Variants in COL19A1 observed in about 807,000 individuals in gnomAD.
COL19A1 encodes collagen alpha-1(XIX) chain.
Under a neutral mutation model 190.2 loss-of-function variants are expected in COL19A1, and 159 were observed. The ratio of observed to expected loss-of-function variants is 0.84; its 90% CI spans 0.73 to 0.95. COL19A1 has a LOEUF of 0.95. COL19A1 is among the 40% of genes least tolerant of loss of function. The probability of loss-of-function intolerance (pLI) is 0.00; values close to 1 mark genes in which losing one functional copy is unlikely to be tolerated. For synonymous variants in COL19A1, 509 were observed against 458.9 expected (o/e 1.11, Z -1.39); for missense variants, 1,418 against 1,431.9 (o/e 0.99, Z 0.16).
intron 14 of COL19A1, among the ~76,000 whole-genome samples, chr6:70,046,205 G>A (rs2024902): frequency 0.12 from 18,644 of 152,042 alleles, 1,576 homozygotes; most frequent in African/African-American, 0.23. Flanking sequence ...TCACACCTCT[G>A]CTATTACTAC....
intron 16 of COL19A1, among the ~76,000 whole-genome samples, chr6:70,105,196 G>T (rs142203030): frequency 6.6e-6 from 1 of 152,094 alleles, no homozygotes; most frequent in African/African-American, 2.4e-5. Context: ...CTATGCAGAA[G>T]ACAAAGTGTT....
intron 36 of COL19A1, 139 bp downstream of exon 36, chr6:70,163,535 G>T: frequency 1.4e-6 from 1 of 717,136 alleles, no homozygotes; most frequent in South Asian, 2.1e-5. Flanking sequence ...TTCTTGTAGT[G>T]GATTTGGAAG....
At chr6:69,967,934 GTA>G (rs768428119) in intron 11 of COL19A1, among the ~76,000 whole-genome samples, 11,324 of 119,036 alleles carry the variant, frequency 0.095, 551 homozygotes, top group East Asian at 0.23. Context: ...TAAAGTACAC[GTA>G]GCGTAAAGTA....
intron 12 of COL19A1, among the ~76,000 whole-genome samples, chr6:70,034,043 C>T (rs1582737309): frequency 1.3e-5 from 2 of 152,096 alleles, no homozygotes; most frequent in South Asian, 2.1e-4. Context: ...ATTGAGGACT[C>T]GCGCTGATTT....
intron 36 of COL19A1, among the ~76,000 whole-genome samples, chr6:70,164,651 A>G (rs1245305270): frequency 1.3e-5 from 2 of 152,150 alleles, no homozygotes; most frequent in Non-Finnish European, 2.9e-5. Context: ...GCTTTGGGGC[A>G]CAAATGAGAG....
chr6:69,970,658 C>T (rs755433632), intron 11 of COL19A1, among the ~76,000 whole-genome samples: 42 of 152,116 alleles, frequency 2.8e-4, no homozygotes, highest in Non-Finnish European at 5.0e-4. Flanking sequence ...AAGCAACTGT[C>T]TACATGTTAC....
At chr6:69,871,809 A>ATTTT (rs556851857) in intron 1 of COL19A1, among the ~76,000 whole-genome samples, 1 of 110,392 alleles carries the variant, frequency 9.1e-6, no homozygotes, top group Non-Finnish European at 1.8e-5. Context: ...CAAGTCCACC[A>ATTTT]TTTTTTTTTT....
chr6:70,017,097 A>G (rs1020237579), intron 11 of COL19A1, among the ~76,000 whole-genome samples: 1 of 152,156 alleles, frequency 6.6e-6, no homozygotes, highest in African/African-American at 2.4e-5. Context: ...TAAAAATAAG[A>G]AACTGGTGAA....
chr6:70,057,495 C>A (rs1218615095), intron 14 of COL19A1, among the ~76,000 whole-genome samples: 1 of 152,000 alleles, frequency 6.6e-6, no homozygotes, highest in Non-Finnish European at 1.5e-5. Context: ...ATTACCAAAG[C>A]TAAAACTACA....
At chr6:69,881,256 A>T (rs1373246385) in intron 2 of COL19A1, among the ~76,000 whole-genome samples, 3 of 152,118 alleles carry the variant, frequency 2.0e-5, no homozygotes, top group African/African-American at 7.2e-5. Flanking sequence ...ATTAACAGAC[A>T]TTTTGGTTTT....
At chr6:70,127,284 A>T (rs180942669) in intron 17 of COL19A1, among the ~76,000 whole-genome samples, 50 of 152,276 alleles carry the variant, frequency 3.3e-4, no homozygotes, top group Admixed American at 1.6e-3. Context: ...GTGATATTAA[A>T]GTTTTGAGAA....
chr6:69,895,344 G>C (rs1769650199), intron 2 of COL19A1, among the ~76,000 whole-genome samples: 1 of 152,232 alleles, frequency 6.6e-6, no homozygotes, highest in Non-Finnish European at 1.5e-5. Context: ...GAGAGGTTTT[G>C]TGTTCTCATT....
At chr6:70,107,351 T>C (rs761148585) in intron 16 of COL19A1, among the ~76,000 whole-genome samples, 9 of 152,138 alleles carry the variant, frequency 5.9e-5, no homozygotes, top group Non-Finnish European at 1.3e-4. Context: ...ACTTAGTCCT[T>C]CTCCTCACTA....
At chr6:70,167,514 C>T (rs989503527) in intron 37 of COL19A1, among the ~76,000 whole-genome samples, 1 of 152,004 alleles carries the variant, frequency 6.6e-6, no homozygotes, top group African/African-American at 2.4e-5. Context: ...TAGAAACATC[C>T]ACACAGGGTT....
intron 15 of COL19A1, among the ~76,000 whole-genome samples, chr6:70,085,334 G>A (rs1562157224): frequency 1.3e-5 from 2 of 151,256 alleles, no homozygotes; most frequent in African/African-American, 4.9e-5. Flanking sequence ...AGCTAATAGG[G>A]AAAGCACTGT....
At chr6:69,940,062 A>G (rs1245134299) in intron 9 of COL19A1, among the ~76,000 whole-genome samples, 1 of 149,342 alleles carries the variant, frequency 6.7e-6, no homozygotes, top group Non-Finnish European at 1.5e-5. Context: ...TAGGAAAAAT[A>G]CCCTGCCCAC....
chr6:69,872,469 G>A (rs2153606), intron 1 of COL19A1, among the ~76,000 whole-genome samples: 18,751 of 152,050 alleles, frequency 0.12, 1,309 homozygotes, highest in Middle Eastern at 0.31. Flanking sequence ...TATTCATTTT[G>A]TGTTTTCTAT....
At chr6:69,885,585 C>T (rs1768867901) in intron 2 of COL19A1, among the ~76,000 whole-genome samples, 1 of 152,086 alleles carries the variant, frequency 6.6e-6, no homozygotes, top group African/African-American at 2.4e-5. Context: ...TACATTTATC[C>T]TACATATCTG....
chr6:70,068,543 GA>G, intron 15 of COL19A1, 67 bp downstream of exon 15: 1 of 1,059,348 alleles, frequency 9.4e-7, no homozygotes, highest in Non-Finnish European at 1.4e-6. Flanking sequence ...GAACACTAAT[GA>G]AAATGAAACC....
Sources: allele counts gnomAD v4.1 joint callset (sites outside exome capture counted in the v4.1 genomes callset), GRCh38; gene constraint gnomAD v4.1.1; transcripts MANE v1.5; gene names NCBI Gene and HGNC (gene_info 2026-07-23, HGNC 2026-07-21).